The following CDC42BPA variants were observed in gnomAD, a reference collection of about 807,000 sequenced individuals.
CDC42BPA encodes the protein CDC42 binding protein kinase alpha, also known as serine/threonine-protein kinase MRCK alpha.
CDC42BPA carries 80 observed loss-of-function variants against 223.5 expected under a neutral mutation model. That is an observed-to-expected ratio of 0.36 (90% CI 0.30 to 0.43). The LOEUF (loss-of-function observed/expected upper bound fraction) is 0.43, where lower values mean the gene tolerates loss of function less well. CDC42BPA is among the 20% of genes least tolerant of loss of function. CDC42BPA has a pLI of 1.00. For synonymous variants in CDC42BPA, 694 were observed against 718.6 expected, an observed-to-expected ratio of 0.97 and a Z score of 0.55; for missense variants, 1,743 against 2,099.9, an observed-to-expected ratio of 0.83 and a Z score of 3.32.
intron 14 of CDC42BPA, among the ~76,000 whole-genome samples, chr1:227,106,463 CTT>C (rs937136416): frequency 6.6e-6 from 1 of 152,012 alleles, no homozygotes; most frequent in East Asian, 1.9e-4. Context: ...CCAATTTATA[CTT>C]TTTTTGTTAT....
chr1:227,317,193 A>G lies in CDC42BPA; in HGVS notation c.-11T>C, dbSNP rs751241117. The G allele has an allele frequency of 2.2e-5, 35 of 1,592,850 alleles. No individual in the cohort carries two copies. The African/African-American group carries it at 4.3e-4, about 20-fold the overall frequency. On this transcript the variant is annotated 5_prime_UTR_variant, in exon 1 of 37. Coordinates refer to ENST00000366766, the MANE Select transcript of CDC42BPA (RefSeq NM_001394014.1). ...CACTTCTCCAGACATGTTTGCTTCG[A>G]TTTCTGCTGGTTTTCCTTTAAATTA...
At chr1:227,273,710 T>C (rs1005658491) in intron 1 of CDC42BPA, among the ~76,000 whole-genome samples, 9 of 151,720 alleles carry the variant, frequency 5.9e-5, no homozygotes, top group Non-Finnish European at 8.8e-5. Flanking sequence ...CTGAGACAGG[T>C]AGCACATGTG....
At chr1:227,097,178 C>A (rs946826372) in intron 15 of CDC42BPA, among the ~76,000 whole-genome samples, 2 of 151,966 alleles carry the variant, frequency 1.3e-5, no homozygotes, top group African/African-American at 2.4e-5. Flanking sequence ...TCTTAAAACA[C>A]ACACACACAC....
chr1:227,159,477 G>C (rs1663451291), intron 6 of CDC42BPA, among the ~76,000 whole-genome samples: 1 of 151,340 alleles, frequency 6.6e-6, no homozygotes, highest in Non-Finnish European at 1.5e-5. Flanking sequence ...CAGAGACTTT[G>C]TCTAAAAAAA....
chr1:227,004,494 C>T (rs1185810736), intron 35 of CDC42BPA: 3 of 156,956 alleles, frequency 1.9e-5, no homozygotes, highest in African/African-American at 4.8e-5. Flanking sequence ...TAAAAAATGT[C>T]TTACCTTGGT....
In CDC42BPA at chr1:227,318,188, C is replaced by G. The variant is rs1694699729; in HGVS notation, c.-1006G>C. 1 of 156,636 alleles carries G rather than the reference C, an allele frequency of 6.4e-6. No homozygotes were observed. Among genetic ancestry groups the G allele is most frequent in the African/African-American group, 2.4e-5 (1 of 41,280 alleles). 9.7% of individuals were successfully genotyped at this position (156,636 alleles called of 1,614,324 possible). On this transcript the variant is annotated 5_prime_UTR_variant, in exon 1 of 37. Coordinates refer to ENST00000366766, the MANE Select transcript of CDC42BPA (RefSeq NM_001394014.1). ...CTTCTCTGAATTCAAAGGACACAAG[C>G]AGCAGCAGCTGCGGCGGCGGCGCGG...
At chr1:227,008,066 T>C (rs1664444442) in intron 34 of CDC42BPA, among the ~76,000 whole-genome samples, 1 of 152,192 alleles carries the variant, frequency 6.6e-6, no homozygotes, top group Admixed American at 6.5e-5. Context: ...TTAGTCATCT[T>C]ATAATTTCTT....
intron 14 of CDC42BPA, among the ~76,000 whole-genome samples, chr1:227,111,333 C>A (rs1686878408): frequency 6.6e-6 from 1 of 152,136 alleles, no homozygotes; most frequent in Non-Finnish European, 1.5e-5. Flanking sequence ...AATATCACGT[C>A]AATTTGATCT....
intron 14 of CDC42BPA, among the ~76,000 whole-genome samples, chr1:227,102,237 G>A (rs534991596): frequency 6.6e-5 from 10 of 152,278 alleles, no homozygotes; most frequent in African/African-American, 2.2e-4. Flanking sequence ...TTTAAAAAGA[G>A]CAAAGGAAGT....
chr1:227,254,620 A>G (rs976217864), intron 1 of CDC42BPA, among the ~76,000 whole-genome samples: 3 of 152,230 alleles, frequency 2.0e-5, no homozygotes, highest in African/African-American at 7.2e-5. Flanking sequence ...TACAGTATAC[A>G]AAGCATGGTG....
intron 1 of CDC42BPA, among the ~76,000 whole-genome samples, chr1:227,292,826 T>C (rs769983642): frequency 6.6e-5 from 10 of 152,206 alleles, no homozygotes; most frequent in Admixed American, 1.3e-4. Flanking sequence ...TTTGAATGAC[T>C]ACCCTTTGAC....
In CDC42BPA at chr1:226,994,341, G is replaced by A; in HGVS notation, c.5192C>T (p.Pro1731Leu). ...ASNSSNLSSP[P>L]SPASPRKTKS... ...GGTTTTTCGGGGTGAAGCTGGGCTT[G>A]GGGGGCTGCTTAGGTTGGAACTGTT... Residue 1731 changes from proline to leucine, a missense_variant, in exon 37 of 37, where the codon CCA becomes CTA. Physicochemically the swap from Pro to Leu is moderately conservative, Grantham distance 98. Around this residue, in one of 6 missense-constraint regions of CDC42BPA, gnomAD observed 200 missense variants for 192.8 expected, o/e 1.04. Coordinates refer to ENST00000366766, the MANE Select transcript of CDC42BPA (RefSeq NM_001394014.1). The surrounding 1 kb of genome is among the most constrained non-coding windows in gnomAD (Gnocchi z 4.0). 1 of 1,596,860 alleles carries A rather than the reference G, an allele frequency of 6.3e-7. No individual in the cohort carries two copies.
At chr1:227,271,678 C>A (rs1513604) in intron 1 of CDC42BPA, among the ~76,000 whole-genome samples, 46,808 of 151,888 alleles carry the variant, frequency 0.31, 7,394 homozygotes, top group East Asian at 0.37. Context: ...GCTGAAATTA[C>A]GAGCTTAGTA....
At chr1:227,178,065 T>C (rs1305762139) in intron 5 of CDC42BPA, among the ~76,000 whole-genome samples, 1 of 152,228 alleles carries the variant, frequency 6.6e-6, no homozygotes, top group Non-Finnish European at 1.5e-5. Flanking sequence ...TGTGTTTTTC[T>C]TGAGTTCATG....
intron 2 of CDC42BPA, among the ~76,000 whole-genome samples, chr1:227,232,643 C>T (rs1678211700): frequency 1.3e-5 from 2 of 152,176 alleles, no homozygotes; most frequent in African/African-American, 2.4e-5. Flanking sequence ...AGTCAGGACC[C>T]TCAGCCGCAG....
intron 6 of CDC42BPA, among the ~76,000 whole-genome samples, chr1:227,152,552 T>C (rs1423766386): frequency 6.6e-6 from 1 of 152,060 alleles, no homozygotes; most frequent in African/African-American, 2.4e-5. Flanking sequence ...TACTTAGAAA[T>C]GTAACTTCCA....
intron 2 of CDC42BPA, among the ~76,000 whole-genome samples, chr1:227,232,690 T>C (rs1369533450): frequency 1.3e-5 from 2 of 152,198 alleles, no homozygotes; most frequent in African/African-American, 4.8e-5. Flanking sequence ...CTCCAGACCA[T>C]TTGCCTAGGT....
intron 5 of CDC42BPA, among the ~76,000 whole-genome samples, chr1:227,192,000 A>C (rs1669796071): frequency 6.6e-6 from 1 of 151,842 alleles, no homozygotes; most frequent in Non-Finnish European, 1.5e-5. Flanking sequence ...TACAATTTTC[A>C]AAGCATTTCC....
chr1:227,308,635 C>T (rs777080309), intron 1 of CDC42BPA, among the ~76,000 whole-genome samples: 5 of 152,022 alleles, frequency 3.3e-5, no homozygotes, highest in Non-Finnish European at 7.4e-5. Context: ...GTCTTATGTC[C>T]ATTTTTCATA....
Sources: gnomAD v4.1 joint callset for allele counts (sites outside exome capture counted in the v4.1 genomes callset) on GRCh38, gnomAD v4.1.1 for gene constraint, gnomAD v4.1.1 regional missense constraint, Gnocchi (gnomAD v3.1) non-coding constraint, MANE v1.5 for transcripts, NCBI Gene and HGNC (gene_info 2026-07-23, HGNC 2026-07-21) for gene names.